The following SLC25A21 variants were observed in gnomAD, a reference collection of about 807,000 sequenced individuals.
SLC25A21 encodes solute carrier family 25 member 21, also known as mitochondrial 2-oxodicarboxylate carrier.
A neutral mutation model predicts 43.8 loss-of-function variants in SLC25A21; 47 were observed. The ratio of observed to expected loss-of-function variants is 1.07; its 90% confidence interval spans 0.85 to 1.37. The LOEUF (loss-of-function observed/expected upper bound fraction) is 1.37, where lower values mean the gene tolerates loss of function less well. Among genes scored for constraint, SLC25A21 ranks in the 40% most tolerant of loss-of-function variants. SLC25A21 has a pLI of 0.00. For synonymous variants in SLC25A21, 131 were observed against 121.3 expected, an observed-to-expected ratio of 1.08 and a Z score of -0.52; for missense variants, 352 against 350.2, an observed-to-expected ratio of 1.00 and a Z score of -0.04.
chr14:37,147,561 A>G (rs1383205437), intron 1 of SLC25A21, among the ~76,000 whole-genome samples: 1 of 151,446 alleles, frequency 6.6e-6, no homozygotes, highest in African/African-American at 2.4e-5. Context: ...AGAGGACCCT[A>G]TATTTGGGCT....
At chr14:36,927,320 C>G (rs998933842) in intron 1 of SLC25A21, among the ~76,000 whole-genome samples, 1 of 152,114 alleles carries the variant, frequency 6.6e-6, no homozygotes, top group Non-Finnish European at 1.5e-5. Flanking sequence ...TTCATAAAAC[C>G]GTATTTTAGA....
At chr14:36,804,561 AG>A (rs1405118179) in intron 3 of SLC25A21, among the ~76,000 whole-genome samples, 1 of 152,226 alleles carries the variant, frequency 6.6e-6, no homozygotes, top group African/African-American at 2.4e-5. Flanking sequence ...CAAACGATAA[AG>A]GACCAGAATG....
chr14:36,975,259 T>C (rs1959843091), intron 1 of SLC25A21, among the ~76,000 whole-genome samples: 1 of 152,238 alleles, frequency 6.6e-6, no homozygotes, highest in African/African-American at 2.4e-5. Context: ...AGGTTACCTA[T>C]AATGAAACAG....
intron 1 of SLC25A21, among the ~76,000 whole-genome samples, chr14:37,055,495 A>C (rs1242536419): frequency 6.6e-6 from 1 of 152,178 alleles, no homozygotes; most frequent in Non-Finnish European, 1.5e-5. Flanking sequence ...AAAGCAGCAG[A>C]AGAGACACCA....
chr14:37,134,427 T>A (rs1963442483), intron 1 of SLC25A21, among the ~76,000 whole-genome samples: 1 of 152,040 alleles, frequency 6.6e-6, no homozygotes, highest in Non-Finnish European at 1.5e-5. Flanking sequence ...ATCCTGACAC[T>A]CAGTACTTTT....
chr14:36,875,526 C>T (rs1234520487), intron 1 of SLC25A21, among the ~76,000 whole-genome samples: 1 of 152,132 alleles, frequency 6.6e-6, no homozygotes, highest in African/African-American at 2.4e-5. Context: ...ACATTAATAG[C>T]TTAATAGAGA....
At chr14:37,172,145 A>G (rs1964142322) in intron 1 of SLC25A21, 136 bp downstream of exon 1, 2 of 915,152 alleles carry the variant, frequency 2.2e-6, no homozygotes, top group Non-Finnish European at 1.6e-6. Context: ...CTAGGGGCTC[A>G]AGCACTGCTC....
chr14:37,088,472 A>T (rs987444026), intron 1 of SLC25A21, among the ~76,000 whole-genome samples: 3 of 152,242 alleles, frequency 2.0e-5, no homozygotes, highest in South Asian at 2.1e-4. Context: ...GTTCTGGTGC[A>T]TATTTTTCTG....
chr14:37,120,277 T>A (rs1170709386), intron 1 of SLC25A21, among the ~76,000 whole-genome samples: 1 of 152,208 alleles, frequency 6.6e-6, no homozygotes, highest in Non-Finnish European at 1.5e-5. Flanking sequence ...TTAATCAACA[T>A]GTGTTTTAAA....
At chr14:37,059,624 T>C (rs532022002) in intron 1 of SLC25A21, among the ~76,000 whole-genome samples, 4 of 152,254 alleles carry the variant, frequency 2.6e-5, no homozygotes, top group African/African-American at 4.8e-5. Context: ...AACAAAACCA[T>C]GAGAAACAGA....
chr14:37,073,696 G>A (rs927353100), intron 1 of SLC25A21, among the ~76,000 whole-genome samples: 6 of 152,028 alleles, frequency 3.9e-5, no homozygotes, highest in South Asian at 2.1e-4. Context: ...TCCTAGCATC[G>A]TTCCTGAAGC....
At chr14:36,682,818 T>C (rs900977207) in intron 9 of SLC25A21, among the ~76,000 whole-genome samples, 6 of 152,024 alleles carry the variant, frequency 3.9e-5, no homozygotes, top group East Asian at 1.9e-4. Context: ...GATAGATGGG[T>C]TGGGAATTGT....
At chr14:37,139,761 T>C (rs192020766) in intron 1 of SLC25A21, among the ~76,000 whole-genome samples, 1 of 152,288 alleles carries the variant, frequency 6.6e-6, no homozygotes, top group Non-Finnish European at 1.5e-5. Context: ...CAAGACTTTA[T>C]AATCATCAAA....
chr14:37,078,086 C>T (rs991908122), intron 1 of SLC25A21, among the ~76,000 whole-genome samples: 22 of 152,096 alleles, frequency 1.4e-4, no homozygotes, highest in African/African-American at 4.6e-4. Flanking sequence ...ACATATTGCT[C>T]GTCATTCAAA....
chr14:37,161,265 T>C (rs1963935939), intron 1 of SLC25A21, among the ~76,000 whole-genome samples: 1 of 152,174 alleles, frequency 6.6e-6, no homozygotes, highest in South Asian at 2.1e-4. Context: ...TGACGTGAAA[T>C]TCTGCAAAGA....
chr14:37,135,728 A>G (rs965407987), intron 1 of SLC25A21, among the ~76,000 whole-genome samples: 1 of 152,214 alleles, frequency 6.6e-6, no homozygotes, highest in Non-Finnish European at 1.5e-5. Flanking sequence ...TGGGAAAAAT[A>G]GTAGAGTGCT....
intron 1 of SLC25A21, among the ~76,000 whole-genome samples, chr14:37,035,297 G>T (rs1170165286): frequency 6.6e-6 from 1 of 152,178 alleles, no homozygotes; most frequent in Non-Finnish European, 1.5e-5. Flanking sequence ...ACCGGAGTTT[G>T]CTTCCTTTTT....
At chr14:37,134,440 C>T (rs139990069) in intron 1 of SLC25A21, among the ~76,000 whole-genome samples, 84 of 151,996 alleles carry the variant, frequency 5.5e-4, no homozygotes, top group African/African-American at 2.0e-3. Context: ...GTACTTTTTC[C>T]ACTGTAGTAT....
At chr14:36,786,149 C>T (rs990743133) in intron 3 of SLC25A21, among the ~76,000 whole-genome samples, 3 of 152,126 alleles carry the variant, frequency 2.0e-5, no homozygotes, top group Non-Finnish European at 4.4e-5. Context: ...CCTTGGGCAC[C>T]TTGGTTTCCA....
Sources: gnomAD v4.1 joint callset for allele counts (sites outside exome capture counted in the v4.1 genomes callset) on GRCh38, gnomAD v4.1.1 for gene constraint, MANE v1.5 for transcripts, NCBI Gene and HGNC (gene_info 2026-07-23, HGNC 2026-07-21) for gene names.